The following RIOK3 variants were observed in gnomAD, a reference collection of about 807,000 sequenced individuals.
The protein encoded by RIOK3 is serine/threonine-protein kinase RIO3.
RIOK3 carries 40 observed loss-of-function variants against 63.5 expected under a neutral mutation model. That is an observed-to-expected ratio of 0.63 (90% CI 0.49 to 0.82). RIOK3 has a LOEUF of 0.82. Ranked by LOEUF, RIOK3 falls within the 40% of genes least tolerant of loss-of-function variation. The probability of loss-of-function intolerance (pLI) is 0.00; values close to 1 mark genes in which losing one functional copy is unlikely to be tolerated. For missense variants in RIOK3, 557 were observed against 637.0 expected, an observed-to-expected ratio of 0.87 and a Z score of 1.35; for synonymous variants, 193 against 205.0, an observed-to-expected ratio of 0.94 and a Z score of 0.50.
In RIOK3 at chr18:23,473,470, A is replaced by G; in HGVS notation, c.857A>G (p.Glu286Gly). ...EKEDSKVIPT[E>G]CAIKVFKTTL... Reference sequence around the variant, plus strand: ...GAAGATAGTAAAGTTATACCTACAGAATGTGCCATCAAGGTATTTAAAACA... The same window carrying G: ...GAAGATAGTAAAGTTATACCTACAGGATGTGCCATCAAGGTATTTAAAACA... The change falls in exon 8 of 13, where the codon GAA becomes GGA. Residue 286 changes from glutamate (E) to glycine (G), a missense_variant. Physicochemically the swap from Glu to Gly is moderately conservative, Grantham distance 98 (BLOSUM62 -2). This residue lies in a region of RIOK3 where 309 missense variants were observed against 338.7 expected (regional missense o/e 0.91). Transcript: ENST00000339486. 6.2e-7 allele frequency: 1 copy of G among 1,612,180 alleles called. No homozygotes were observed. Among genetic ancestry groups the G allele is most frequent in the South Asian group, 1.1e-5 (1 of 90,934 alleles).
chr18:23,476,950 C>G, intron 9 of RIOK3, 56 bp from the exon 10 acceptor site: 1 of 1,437,778 alleles, frequency 7.0e-7, no homozygotes, highest in Non-Finnish European at 9.7e-7. Context: ...GGGGTGTCAT[C>G]ATCAATAATA....
intron 12 of RIOK3, among the ~76,000 whole-genome samples, chr18:23,480,551 G>GCACACACACACACACACA (rs1362909473): frequency 2.1e-5 from 1 of 46,846 alleles, no homozygotes; most frequent in African/African-American, 7.9e-5. Flanking sequence ...ATACTTGGAT[G>GCACACACACACACACACA]CACGCACACA....
Position 23,462,953 on chromosome 18 carries a change from T to C in RIOK3, c.64-11T>C, listed in dbSNP as rs780238098. On this transcript the variant is annotated splice_polypyrimidine_tract_variant and intron_variant, in intron 1 of 12. Transcript: ENST00000339486. Reference sequence around the variant, plus strand: ...TGATGAATTGAGCTGTTCTTTTTTCTTTTTTCATAGTGTCCATGGGCTATT... The same window carrying C: ...TGATGAATTGAGCTGTTCTTTTTTCCTTTTTCATAGTGTCCATGGGCTATT... 1 of 1,335,668 alleles carries C rather than the reference T, an allele frequency of 7.5e-7. No homozygotes were observed. Among genetic ancestry groups the C allele is most frequent in the East Asian group, 2.6e-5 (1 of 38,094 alleles). 82.7% of individuals were successfully genotyped at this position (1,335,668 alleles called of 1,614,324 possible).
At chr18:23,454,305 A>G (rs2057324095) in intron 1 of RIOK3, among the ~76,000 whole-genome samples, 1 of 152,250 alleles carries the variant, frequency 6.6e-6, no homozygotes, top group Admixed American at 6.5e-5. Flanking sequence ...ATGCTAACAC[A>G]GAATATTTGT....
chr18:23,462,977 T>G lies in RIOK3; in HGVS notation c.77T>G (p.Ile26Ser). The change falls in exon 2 of 13, where the codon ATT becomes AGT. Residue 26 changes from isoleucine to serine, a missense_variant. Around this residue, in one of 3 missense-constraint regions of RIOK3, gnomAD observed 243 missense variants for 275.4 expected, o/e 0.88. Transcript: ENST00000339486. ...CTTTTTTCATAGTGTCCATGGGCTA[T>G]TCCTCAAAATACAATATCTTGTTCT... ...AWGPSKCPWAIPQNTISCSLA... is the reference protein window; with the variant it reads ...AWGPSKCPWASPQNTISCSLA... 1 of 1,575,064 alleles carries G rather than the reference T, an allele frequency of 6.3e-7. No homozygotes were observed. Among genetic ancestry groups the G allele is most frequent in the South Asian group, 1.2e-5 (1 of 85,366 alleles).
At chr18:23,479,266 A>T in intron 11 of RIOK3, 51 bp from the exon 12 acceptor site, 1 of 1,188,262 alleles carries the variant, frequency 8.4e-7, no homozygotes, top group East Asian at 2.3e-5. Context: ...TTTAGTTTAT[A>T]AGAGAACATT....
intron 1 of RIOK3, among the ~76,000 whole-genome samples, chr18:23,454,074 C>A (rs750684857): frequency 3.9e-5 from 6 of 152,188 alleles, no homozygotes; most frequent in Non-Finnish European, 7.4e-5. Flanking sequence ...GACGTTTAAA[C>A]TTTTTCATAG....
intron 8 of RIOK3, 54 bp downstream of exon 8, chr18:23,473,680 G>T: frequency 7.6e-7 from 1 of 1,317,072 alleles, no homozygotes; most frequent in Non-Finnish European, 1.1e-6. Context: ...TTTTGCATTA[G>T]GATAAAAAAA....
chr18:23,468,287 A>G (rs570714266), intron 7 of RIOK3, among the ~76,000 whole-genome samples: 6 of 119,702 alleles, frequency 5.0e-5, no homozygotes, highest in East Asian at 2.4e-4. Context: ...TATACTCAAT[A>G]TACTCCTTTT....
intron 11 of RIOK3, among the ~76,000 whole-genome samples, chr18:23,478,275 A>G (rs1395622509): frequency 6.6e-6 from 1 of 152,076 alleles, no homozygotes; most frequent in African/African-American, 2.4e-5. Context: ...AAGCATGGTA[A>G]GAAGATTAGG....
At chr18:23,470,892 A>G (rs1178523107) in intron 7 of RIOK3, among the ~76,000 whole-genome samples, 1 of 152,220 alleles carries the variant, frequency 6.6e-6, no homozygotes, top group African/African-American at 2.4e-5. Context: ...GGCCTCACCT[A>G]CTATGTGGTT....
chr18:23,479,641 A>T (rs1567901485), intron 12 of RIOK3, among the ~76,000 whole-genome samples: 1 of 150,628 alleles, frequency 6.6e-6, no homozygotes, highest in Non-Finnish European at 1.5e-5. Flanking sequence ...CAGTGGCGTG[A>T]TCTTGGCTCA....
intron 5 of RIOK3, among the ~76,000 whole-genome samples, chr18:23,465,392 A>AG (rs2057400226): frequency 1.3e-5 from 2 of 152,324 alleles, no homozygotes; most frequent in African/African-American, 4.8e-5. Context: ...ACAAAAAAAA[A>AG]GCATTCTAAA....
chr18:23,462,810 TTTTA>T (rs2145675705), intron 1 of RIOK3, among the ~76,000 whole-genome samples, 150 bp from the exon 2 acceptor site: 1 of 152,372 alleles, frequency 6.6e-6, no homozygotes, highest in East Asian at 1.9e-4. Context: ...TGGGAGATAA[TTTTA>T]CTTTTGAGAT....
At chr18:23,455,423 C>T (rs1181519796) in intron 1 of RIOK3, among the ~76,000 whole-genome samples, 2 of 146,002 alleles carry the variant, frequency 1.4e-5, no homozygotes, top group Admixed American at 6.9e-5. Flanking sequence ...GACGGAGTCT[C>T]GCTTTGTTGC....
At chr18:23,455,254 T>C (rs774359332) in intron 1 of RIOK3, among the ~76,000 whole-genome samples, 1 of 151,970 alleles carries the variant, frequency 6.6e-6, no homozygotes, top group Non-Finnish European at 1.5e-5. Flanking sequence ...GTATTTTTTT[T>C]TGTAGAGATG....
At chr18:23,461,813 G>A (rs2057373336) in intron 1 of RIOK3, among the ~76,000 whole-genome samples, 1 of 152,066 alleles carries the variant, frequency 6.6e-6, no homozygotes, top group Non-Finnish European at 1.5e-5. Flanking sequence ...TTTGGGGCTA[G>A]GCTTGGTGGC....
intron 1 of RIOK3, among the ~76,000 whole-genome samples, chr18:23,459,059 G>A (rs1214743704): frequency 2.0e-5 from 3 of 152,174 alleles, no homozygotes; most frequent in African/African-American, 7.2e-5. Context: ...GTGCTTTGGT[G>A]CTGTTTGAGG....
intron 2 of RIOK3, among the ~76,000 whole-genome samples, chr18:23,463,667 C>T (rs576677235): frequency 6.6e-6 from 1 of 152,200 alleles, no homozygotes; most frequent in South Asian, 2.1e-4. Context: ...CCTCAGCCTC[C>T]CAAAGTGCTG....
Sources: allele counts gnomAD v4.1 joint callset (sites outside exome capture counted in the v4.1 genomes callset), GRCh38; gene constraint gnomAD v4.1.1; regional missense constraint gnomAD v4.1.1; transcripts MANE v1.5; gene names NCBI Gene and HGNC (gene_info 2026-07-23, HGNC 2026-07-21).